Variants in IQCH observed in about 807,000 individuals in gnomAD.
The protein encoded by IQCH is IQ domain-containing protein H.
IQCH carries 98 observed loss-of-function variants against 117.0 expected under a neutral mutation model. The observed-to-expected ratio is 0.84, with a 90% CI of 0.71 to 0.99. The LOEUF (loss-of-function observed/expected upper bound fraction) is 0.99. Ranked by LOEUF, IQCH falls within the 50% of genes least tolerant of loss-of-function variation. The probability of loss-of-function intolerance (pLI) is 0.00; values close to 1 mark genes in which losing one functional copy is unlikely to be tolerated. For missense variants in IQCH, 1,102 were observed against 1,243.8 expected (o/e 0.89, Z 1.72); for synonymous variants, 412 against 448.2 (o/e 0.92, Z 1.02).
rs2140838015 is a variant in IQCH at position 67,388,221 on chromosome 15, GTTAAA to G, written c.1457-605_1457-601del. The stretch of plus-strand genomic sequence containing the variant: ...GAAGCACATCTTAAGAAGGAGAAAA[GTTAAA>G]TTAAGATGGTGTTTCCTTTAAACCA... On this transcript the variant is annotated intron_variant, in intron 11 of 20. Coordinates refer to ENST00000335894, the MANE Select transcript of IQCH (RefSeq NM_001031715.3). This position sits in a 1 kb window ranked among gnomAD's most constrained non-coding sequence, Gnocchi z 5.5. Among the ~76,000 whole-genome samples, 1 of 152,322 alleles carries G rather than the reference GTTAAA, an allele frequency of 6.6e-6. No homozygotes were observed. The highest frequency in any genetic ancestry group is 2.1e-4 in the South Asian group (1 of 4,828).
intron 8 of IQCH, 62 bp from the exon 9 acceptor site, chr15:67,372,049 C>G: frequency 7.3e-7 from 1 of 1,363,774 alleles, no homozygotes; most frequent in Non-Finnish European, 1.0e-6. Context: ...GTGTCTTGAC[C>G]ACTCATTTAA....
intron 16 of IQCH, among the ~76,000 whole-genome samples, chr15:67,462,624 C>A (rs1398677558): frequency 6.6e-6 from 1 of 151,778 alleles, no homozygotes; most frequent in Non-Finnish European, 1.5e-5. Flanking sequence ...CAGATTTAAG[C>A]TCTCTGACTC....
rs1000264799 is a variant in IQCH, at chr15:67,439,959, G to A, written c.2505+18382G>A. On this transcript the variant is annotated intron_variant, in intron 16 of 20. Coordinates refer to ENST00000335894, the MANE Select transcript of IQCH (RefSeq NM_001031715.3). ...GTTCTTTGAAAAGATAAATAAAATT[G>A]ATAGACCATTAGCAAGATTAACCAA... Among the ~76,000 whole-genome samples, 14 of 150,120 alleles carry A rather than the reference G, an allele frequency of 9.3e-5. 1 individual carries two copies. The highest frequency in any genetic ancestry group is 3.4e-4 in the African/African-American group (14 of 40,800).
chr15:67,260,029 T>A (rs1482413498), intron 1 of IQCH, among the ~76,000 whole-genome samples: 1 of 152,214 alleles, frequency 6.6e-6, no homozygotes, highest in Non-Finnish European at 1.5e-5. Context: ...TTGAGATTAA[T>A]CAGTAATGCA....
chr15:67,261,163 C>A, intron 1 of IQCH, 109 bp from the exon 2 acceptor site: 2 of 679,798 alleles, frequency 2.9e-6, no homozygotes, highest in Non-Finnish European at 4.6e-6. Context: ...ATAAAATCAG[C>A]TTTGTGTCTC....
intron 3 of IQCH, among the ~76,000 whole-genome samples, chr15:67,277,285 A>C (rs1567058001): frequency 6.6e-6 from 1 of 152,180 alleles, no homozygotes; most frequent in Admixed American, 6.5e-5. Flanking sequence ...TGATAATTCC[A>C]AAATCTCTGG....
intron 3 of IQCH, among the ~76,000 whole-genome samples, chr15:67,268,987 A>C (rs1447432247): frequency 6.6e-6 from 1 of 152,050 alleles, no homozygotes; most frequent in African/African-American, 2.4e-5. Flanking sequence ...ATGACACAAA[A>C]ATTGCTAAGA....
At chr15:67,320,026 C>T (rs891033629) in intron 4 of IQCH, among the ~76,000 whole-genome samples, 1 of 152,210 alleles carries the variant, frequency 6.6e-6, no homozygotes, top group African/African-American at 2.4e-5. Context: ...GTAAGCGCTC[C>T]TAGCCTCCTT....
In IQCH at chr15:67,273,080, T is replaced by A. The variant is rs562169078; in HGVS notation, c.270-6315T>A. On this transcript the variant is annotated intron_variant, in intron 3 of 20. Coordinates refer to ENST00000335894, the MANE Select transcript of IQCH (RefSeq NM_001031715.3). ...TTTATTTATTTTTAATTAATTAATT[T>A]ATTTTTTGGAGACAGGGTCTCTCTC... 2.9e-4 allele frequency among the ~76,000 whole-genome samples: 44 copies of A among 152,232 alleles called. 1 individual carries two copies. The East Asian group carries it at 4.8e-3, about 17-fold the overall frequency.
chr15:67,500,695 A>G lies in IQCH; in HGVS notation c.3033A>G (p.Glu1011=). ...CAAAGGAAAACAAAATGAGATTTGA[A>G]GAGGAGCAACAGTCCAAAGATGATA... ...RVTKENKMRF[E]EEQQSKDDKN... is the part of the protein sequence containing the mutation. The change falls in exon 21 of 21, where the codon GAA becomes GAG. Residue 1011 remains glutamate (E), a synonymous_variant. Coordinates refer to ENST00000335894, the MANE Select transcript of IQCH (RefSeq NM_001031715.3). This position sits in a 1 kb window ranked among gnomAD's most constrained non-coding sequence, Gnocchi z 4.4. The G allele has an allele frequency of 6.2e-7, 1 of 1,605,574 alleles. No homozygotes were observed. The highest frequency in any genetic ancestry group is 8.5e-7 in the Non-Finnish European group (1 of 1,174,162).
intron 3 of IQCH, among the ~76,000 whole-genome samples, chr15:67,274,511 A>G (rs1966040735): frequency 6.6e-6 from 1 of 152,010 alleles, no homozygotes; most frequent in Non-Finnish European, 1.5e-5. Flanking sequence ...TTTTATTTTT[A>G]TTATTTCAAT....
At position 67,457,607 on chromosome 15, in the gene IQCH, G is replaced by A. The variant is rs538003370; in HGVS notation, c.2506-7520G>A. 6.6e-6 allele frequency among the ~76,000 whole-genome samples: 1 copy of A among 152,328 alleles called. No individual in the cohort carries two copies. Among genetic ancestry groups the A allele is most frequent in the African/African-American group, 2.4e-5 (1 of 41,584 alleles). On this transcript the variant is annotated intron_variant, in intron 16 of 20. Transcript: ENST00000335894. The surrounding 1 kb of genome is among the most constrained non-coding windows in gnomAD (Gnocchi z 5.7). ...ACAGATTTATGTCTGCCAGGCCTCT[G>A]TAGTAATAGTCTCACACACTATCTC...
chr15:67,464,178 T>C (rs867035004), intron 16 of IQCH, among the ~76,000 whole-genome samples: 3 of 152,166 alleles, frequency 2.0e-5, no homozygotes, highest in African/African-American at 7.2e-5. Flanking sequence ...CCTTTGACTC[T>C]CCAGTGACTA....
chr15:67,482,488 T>A (rs1411998601), intron 18 of IQCH, among the ~76,000 whole-genome samples: 1 of 152,226 alleles, frequency 6.6e-6, no homozygotes, highest in East Asian at 1.9e-4. Context: ...TTATTTCTAT[T>A]TGATAGCATT....
intron 4 of IQCH, among the ~76,000 whole-genome samples, chr15:67,310,676 T>C (rs8038166): frequency 0.68 from 102,615 of 151,882 alleles, 35,264 homozygotes; most frequent in Middle Eastern, 0.84. Context: ...TTTCACTGCT[T>C]GATTTAAGTT....
chr15:67,358,081 A>AGT (rs1451859143), intron 7 of IQCH, among the ~76,000 whole-genome samples: 1 of 144,862 alleles, frequency 6.9e-6, no homozygotes, highest in African/African-American at 2.6e-5. Flanking sequence ...CTGGTCTCGA[A>AGT]CTCCTGACCT....
chr15:67,475,927 T>G lies in IQCH; in HGVS notation c.2799+109T>G. On this transcript the variant is annotated intron_variant, in intron 18 of 20. Coordinates refer to ENST00000335894, the MANE Select transcript of IQCH (RefSeq NM_001031715.3). The surrounding 1 kb of genome is among the most constrained non-coding windows in gnomAD (Gnocchi z 5.7). ...GATAGATATTCTTTAAATACCGGTT[T>G]GACGTGTCTGTAGAGGAAGGCTGAT... The G allele has an allele frequency of 1.0e-6, 1 of 955,466 alleles. No individual in the cohort carries two copies. The allele number at this position is 955,466 out of a possible 1,614,324, so 59.2% of individuals were successfully genotyped here.
At chr15:67,444,294 A>G (rs2082345199) in intron 16 of IQCH, among the ~76,000 whole-genome samples, 1 of 152,226 alleles carries the variant, frequency 6.6e-6, no homozygotes, top group Non-Finnish European at 1.5e-5. Context: ...AGCCATTTTT[A>G]AACTTTAAGA....
chr15:67,258,287 T>C (rs1213350769), intron 1 of IQCH, among the ~76,000 whole-genome samples: 2 of 150,940 alleles, frequency 1.3e-5, no homozygotes, highest in Non-Finnish European at 2.9e-5. Context: ...CCCAGCACTT[T>C]AGGAGGCCGA....
Sources: allele counts gnomAD v4.1 joint callset (sites outside exome capture counted in the v4.1 genomes callset), GRCh38; gene constraint gnomAD v4.1.1; non-coding constraint Gnocchi (gnomAD v3.1); transcripts MANE v1.5; gene names NCBI Gene and HGNC (gene_info 2026-07-23, HGNC 2026-07-21).